Variants in FHIP2A observed in about 807,000 individuals in gnomAD.
FHIP2A encodes the protein family with sequence similarity 160 member B1.
In FHIP2A, 46 loss-of-function variants were observed where a neutral mutation model predicts 93.5. The observed-to-expected ratio is 0.49, with a 90% confidence interval of 0.39 to 0.63. The LOEUF is 0.63. FHIP2A is among the 20% of genes least tolerant of loss of function. The probability of loss-of-function intolerance (pLI) is 0.00; values close to 1 mark genes in which losing one functional copy is unlikely to be tolerated. For synonymous variants in FHIP2A, 332 were observed against 326.5 expected, an observed-to-expected ratio of 1.02 and a Z score of -0.18; for missense variants, 769 against 909.7, an observed-to-expected ratio of 0.85 and a Z score of 1.99.
At chr10:114,865,960 T>C (rs1334272858), downstream of FHIP2A, among the ~76,000 whole-genome samples, 1 of 151,968 alleles carries the variant, frequency 6.6e-6, no homozygotes, top group Non-Finnish European at 1.5e-5. Flanking sequence ...AGTTTTTCTG[T>C]TTGTTTGTTT....
chr10:114,848,446 T>A (rs2083714956), intron 12 of FHIP2A, among the ~76,000 whole-genome samples: 1 of 152,170 alleles, frequency 6.6e-6, no homozygotes, highest in Non-Finnish European at 1.5e-5. Flanking sequence ...TATCAGGAAT[T>A]AACAACATAT....
intron 2 of FHIP2A, among the ~76,000 whole-genome samples, chr10:114,832,176 TA>T (rs1239796628): frequency 6.6e-6 from 1 of 152,218 alleles, no homozygotes; most frequent in African/African-American, 2.4e-5. Flanking sequence ...GATGGGTTGA[TA>T]AAACCATGGG....
intron 2 of FHIP2A, among the ~76,000 whole-genome samples, chr10:114,832,611 A>G (rs2083613702): frequency 6.6e-6 from 1 of 152,052 alleles, no homozygotes. Context: ...TTGATGTGAC[A>G]TGTATTTTTC....
At chr10:114,884,292 A>G (rs1354750990) in intron 16 of FHIP2A, among the ~76,000 whole-genome samples, 1 of 152,210 alleles carries the variant, frequency 6.6e-6, no homozygotes, top group Non-Finnish European at 1.5e-5. Flanking sequence ...GTTAACTATT[A>G]GGCATCTGCT....
intron 1 of FHIP2A, among the ~76,000 whole-genome samples, chr10:114,827,796 CAAA>C (rs1193460267): frequency 1.2e-5 from 1 of 84,106 alleles, no homozygotes; most frequent in Non-Finnish European, 2.2e-5. Context: ...GACTCCATCT[CAAA>C]AAAAAAAAAA....
chr10:114,868,128 T>G (rs2083839522), downstream of FHIP2A, among the ~76,000 whole-genome samples: 1 of 152,056 alleles, frequency 6.6e-6, no homozygotes, highest in South Asian at 2.1e-4. Flanking sequence ...CTCACTATAT[T>G]GCCCAGGCTT....
chr10:114,872,736 C>T (rs2083865850), intron 16 of FHIP2A, among the ~76,000 whole-genome samples: 1 of 152,216 alleles, frequency 6.6e-6, no homozygotes, highest in Non-Finnish European at 1.5e-5. Context: ...CTCAATCAAT[C>T]ACTGGTGACA....
At chr10:114,854,006 C>A (rs2083751330) in intron 13 of FHIP2A, among the ~76,000 whole-genome samples, 1 of 152,054 alleles carries the variant, frequency 6.6e-6, no homozygotes, top group South Asian at 2.1e-4. Flanking sequence ...CTTTAAATTT[C>A]TTTTGTTTCA....
chr10:114,836,576 A>G lies in FHIP2A; in HGVS notation c.522+330A>G, dbSNP rs577336264. Among the ~76,000 whole-genome samples, 3 of 152,348 alleles carry G rather than the reference A, an allele frequency of 2.0e-5. No individual in the cohort carries two copies. The South Asian group carries it at 6.2e-4, about 32-fold the overall frequency. On this transcript the variant is annotated intron_variant, in intron 5 of 16. Coordinates refer to ENST00000369248, the MANE Select transcript of FHIP2A (RefSeq NM_020940.4). ...TCATATTTTCAGCCAAGCTTGCCCTAGTATGTAACATGGGAAATCTGGCCT... is the reference window on the plus strand; with the variant it reads ...TCATATTTTCAGCCAAGCTTGCCCTGGTATGTAACATGGGAAATCTGGCCT...
At chr10:114,850,913 T>C (rs902156433) in intron 13 of FHIP2A, among the ~76,000 whole-genome samples, 2 of 152,152 alleles carry the variant, frequency 1.3e-5, no homozygotes, top group African/African-American at 2.4e-5. Flanking sequence ...TTTGTTTGTT[T>C]GTTTGTTGTT....
intron 1 of FHIP2A, among the ~76,000 whole-genome samples, chr10:114,828,853 G>A (rs1344613432): frequency 6.6e-6 from 1 of 151,890 alleles, no homozygotes; most frequent in South Asian, 2.1e-4. Context: ...AACACAGTAC[G>A]ATTTACAGTG....
intron 2 of FHIP2A, among the ~76,000 whole-genome samples, chr10:114,832,803 C>T: frequency 6.6e-6 from 1 of 151,618 alleles, no homozygotes. Context: ...CCTCCACCTC[C>T]CAGGTTCAAG....
At chr10:114,834,282 C>T (rs947062845) in intron 3 of FHIP2A, among the ~76,000 whole-genome samples, 3 of 152,120 alleles carry the variant, frequency 2.0e-5, no homozygotes, top group Non-Finnish European at 4.4e-5. Context: ...GGCAACACAC[C>T]TGCTCTCTAA....
rs2083803491 is a variant in FHIP2A, at chr10:114,862,065, T to G, written c.*525T>G. On this transcript the variant is annotated 3_prime_UTR_variant, in exon 17 of 17. Transcript: ENST00000369248. ...ACAATTCAGAAACCATTGAATGAAT[T>G]AATTATAGGCGATAAAAATGTGTAG... 9.3e-6 allele frequency: 9 copies of G among 963,628 alleles called. No homozygotes were observed. The highest frequency in any genetic ancestry group is 4.8e-5 in the South Asian group (1 of 20,770). 59.7% of individuals were successfully genotyped at this position (963,628 alleles called of 1,614,324 possible).
At chr10:114,834,544 T>C (rs1188435949) in intron 3 of FHIP2A, among the ~76,000 whole-genome samples, 1 of 152,204 alleles carries the variant, frequency 6.6e-6, no homozygotes, top group African/African-American at 2.4e-5. Flanking sequence ...GATGATGCTT[T>C]GGAAATACTT....
chr10:114,823,587 C>T (rs1368374807), intron 1 of FHIP2A, among the ~76,000 whole-genome samples: 1 of 151,772 alleles, frequency 6.6e-6, no homozygotes, highest in African/African-American at 2.4e-5. Context: ...CTCCGCCTCC[C>T]GGATTCAAGC....
intron 6 of FHIP2A, 48 bp from the exon 7 acceptor site, chr10:114,843,693 G>A: frequency 7.6e-7 from 1 of 1,313,140 alleles, no homozygotes; most frequent in Non-Finnish European, 1.0e-6. Flanking sequence ...CAAACAACCT[G>A]ATGTATATAC....
At chr10:114,830,720 T>C (rs959382159) in intron 1 of FHIP2A, 132 bp from the exon 2 acceptor site, 4 of 484,120 alleles carry the variant, frequency 8.3e-6, no homozygotes, top group Non-Finnish European at 1.5e-5. Context: ...CTTTAATATC[T>C]GACATATAAA....
intron 16 of FHIP2A, among the ~76,000 whole-genome samples, chr10:114,897,668 G>T (rs1295700171): frequency 6.6e-6 from 1 of 152,098 alleles, no homozygotes; most frequent in Non-Finnish European, 1.5e-5. Flanking sequence ...CCATCACTTT[G>T]CAAGGCCAAG....
Sources: gnomAD v4.1 joint callset for allele counts (sites outside exome capture counted in the v4.1 genomes callset) on GRCh38, gnomAD v4.1.1 for gene constraint, MANE v1.5 for transcripts, NCBI Gene and HGNC (gene_info 2026-07-23, HGNC 2026-07-21) for gene names.